Variants in C11orf65 observed in about 807,000 individuals in gnomAD.
C11orf65 encodes protein MFI.
A neutral mutation model predicts 35.3 loss-of-function variants in C11orf65; 38 were observed. The observed-to-expected ratio is 1.08, with a 90% CI of 0.83 to 1.41. The LOEUF (loss-of-function observed/expected upper bound fraction) is 1.41. Among genes scored for constraint, C11orf65 ranks in the 40% most tolerant of loss-of-function variants. The pLI is 0.00. For synonymous variants in C11orf65, 105 were observed against 114.4 expected, an observed-to-expected ratio of 0.92 and a Z score of 0.53; for missense variants, 370 against 367.1, an observed-to-expected ratio of 1.01 and a Z score of -0.06.
At chr11:108,358,273 C>T (rs1315982883) in intron 2 of C11orf65, among the ~76,000 whole-genome samples, 1 of 147,652 alleles carries the variant, frequency 6.8e-6, no homozygotes, top group Non-Finnish European at 1.5e-5. Context: ...TGAGCAAAGC[C>T]TCCAAGAAAT....
At position 108,332,789 on chromosome 11, in the gene C11orf65, A is replaced by G. The variant is rs376824528; in HGVS notation, c.300-1222T>C. 29 of 1,613,192 alleles carry G rather than the reference A, an allele frequency of 1.8e-5. No homozygotes were observed. The highest frequency in any genetic ancestry group is 1.7e-4 in the Middle Eastern group (1 of 6,050). On this transcript the variant is annotated intron_variant, in intron 3 of 3. Transcript: ENST00000524755. ...TCGAACAGAGGCTGCAAATAGAATA[A>G]TATGTACTATCAGAAGTAGGAGACC...
At chr11:108,456,408 T>C (rs2093411984) in intron 2 of C11orf65, among the ~76,000 whole-genome samples, 1 of 152,152 alleles carries the variant, frequency 6.6e-6, no homozygotes, top group Non-Finnish European at 1.5e-5. Flanking sequence ...ATTAAGCCTC[T>C]AGAACAAACA....
At chr11:108,379,569 A>G (rs1056107415), downstream of C11orf65, among the ~76,000 whole-genome samples, 1 of 151,990 alleles carries the variant, frequency 6.6e-6, no homozygotes, top group Non-Finnish European at 1.5e-5. Flanking sequence ...TGGCACATGT[A>G]TACATATGTA....
At chr11:108,308,808 G>T (rs917919738) in exon 7 of C11orf65, 1 of 534,984 alleles carries the variant, frequency 1.9e-6, no homozygotes. Flanking sequence ...AGTAGAAAAA[G>T]AAGTTTTATG....
chr11:108,310,447 G>A, intron 6 of C11orf65: 1 of 843,278 alleles, frequency 1.2e-6, no homozygotes, highest in Non-Finnish European at 1.8e-6. Flanking sequence ...TTGTTTTAAA[G>A]TGAAATTATA....
chr11:108,408,399 G>C (rs1255886688), intron 3 of C11orf65, among the ~76,000 whole-genome samples: 1 of 152,042 alleles, frequency 6.6e-6, no homozygotes, highest in Non-Finnish European at 1.5e-5. Flanking sequence ...TCTGGGCCGG[G>C]CGTGGTGGCT....
downstream of C11orf65, among the ~76,000 whole-genome samples, chr11:108,328,844 C>G (rs2085953732): frequency 6.6e-6 from 1 of 152,168 alleles, no homozygotes; most frequent in African/African-American, 2.4e-5. Flanking sequence ...CAAAGCCGTC[C>G]TGGGCCACAT....
At chr11:108,316,444 A>C (rs533577387) in intron 6 of C11orf65, among the ~76,000 whole-genome samples, 2 of 152,158 alleles carry the variant, frequency 1.3e-5, no homozygotes, top group Non-Finnish European at 2.9e-5. Context: ...ACTGCTTCAC[A>C]TGGAAAATCT....
chr11:108,453,005 T>C (rs1439356227), intron 2 of C11orf65, among the ~76,000 whole-genome samples: 33 of 15,684 alleles, frequency 2.1e-3, no homozygotes, highest in African/African-American at 8.7e-3. Context: ...TGTCGTGGGG[T>C]GGGGGGAGGG....
chr11:108,467,620 A>C (rs1017543318), upstream of C11orf65: 4 of 152,128 alleles, frequency 2.6e-5, no homozygotes, highest in Admixed American at 1.3e-4. Flanking sequence ...GACAAAGTGC[A>C]GGGGATATAG....
intron 1 of C11orf65, among the ~76,000 whole-genome samples, chr11:108,464,396 A>C (rs2093509092): frequency 6.6e-6 from 1 of 151,578 alleles, no homozygotes; most frequent in South Asian, 2.1e-4. Context: ...TCCTGGGTTC[A>C]AGCGATTCTC....
At chr11:108,333,393 C>G (rs543316513) in intron 3 of C11orf65, among the ~76,000 whole-genome samples, 24 of 152,160 alleles carry the variant, frequency 1.6e-4, no homozygotes, top group Non-Finnish European at 2.8e-4. Context: ...TGACTAGTCT[C>G]TAAGTATGCT....
intron 2 of C11orf65, among the ~76,000 whole-genome samples, chr11:108,439,946 T>A (rs1003457531): frequency 6.6e-6 from 1 of 152,170 alleles, no homozygotes; most frequent in African/African-American, 2.4e-5. Flanking sequence ...CTAAAAACGG[T>A]TAAACTGGTA....
intron 6 of C11orf65, among the ~76,000 whole-genome samples, chr11:108,309,686 A>C (rs4988068): frequency 0.013 from 1,956 of 152,330 alleles, 52 homozygotes; most frequent in African/African-American, 0.044. Flanking sequence ...TAAGTAACTC[A>C]ACCTAGGCAA....
At chr11:108,321,156 C>T in intron 6 of C11orf65, 1 of 1,070,854 alleles carries the variant, frequency 9.3e-7, no homozygotes, top group Non-Finnish European at 1.3e-6. Flanking sequence ...GTTTCCACTG[C>T]TATTTTGTAT....
intron 8 of C11orf65, 89 bp from the exon 9 acceptor site, chr11:108,383,264 T>G (rs2138266589): frequency 9.0e-7 from 1 of 1,110,362 alleles, no homozygotes; most frequent in East Asian, 2.6e-5. Flanking sequence ...TGTTCCACAT[T>G]CCTTTTCACC....
At chr11:108,444,361 G>A (rs1403809392) in intron 2 of C11orf65, among the ~76,000 whole-genome samples, 8 of 152,030 alleles carry the variant, frequency 5.3e-5, no homozygotes, top group East Asian at 3.9e-4. Flanking sequence ...AGGACCAGAC[G>A]GATTCACAGC....
chr11:108,409,319 G>A (rs1278454355), intron 3 of C11orf65, among the ~76,000 whole-genome samples: 3 of 152,014 alleles, frequency 2.0e-5, no homozygotes, highest in African/African-American at 7.3e-5. Context: ...TCATTTTTAT[G>A]TCTTCTGTGG....
intron 6 of C11orf65, among the ~76,000 whole-genome samples, chr11:108,404,619 C>T (rs1366576273): frequency 5.7e-5 from 8 of 140,466 alleles, no homozygotes; most frequent in Non-Finnish European, 7.6e-5. Context: ...TAACTAGAGA[C>T]GGGGTTTCAC....
Sources: allele counts gnomAD v4.1 joint callset (sites outside exome capture counted in the v4.1 genomes callset), GRCh38; gene constraint gnomAD v4.1.1; transcripts MANE v1.5; gene names NCBI Gene and HGNC (gene_info 2026-07-23, HGNC 2026-07-21).